CAPN14: variants seen among roughly 807,000 people sequenced by gnomAD.
CAPN14 encodes calpain 14.
Under a neutral mutation model 101.3 loss-of-function variants are expected in CAPN14, and 94 were observed. The ratio of observed to expected loss-of-function variants is 0.93; its 90% CI spans 0.79 to 1.10. The LOEUF (loss-of-function observed/expected upper bound fraction) is 1.10. Among genes scored for constraint, CAPN14 ranks in the 50% least tolerant of loss-of-function variants. The pLI is 0.00. For missense variants in CAPN14, 837 were observed against 828.4 expected (o/e 1.01, Z -0.13); for synonymous variants, 338 against 317.9 (o/e 1.06, Z -0.67).
chr2:31,222,313 G>A (rs1039708262), upstream of CAPN14, among the ~76,000 whole-genome samples: 1 of 152,150 alleles, frequency 6.6e-6, no homozygotes, highest in Non-Finnish European at 1.5e-5. Context: ...TCGCTTAGGT[G>A]GCCTTCATAC....
chr2:31,214,920 T>C (rs1243494002), intron 1 of CAPN14, among the ~76,000 whole-genome samples: 1 of 152,218 alleles, frequency 6.6e-6, no homozygotes, highest in Non-Finnish European at 1.5e-5. Context: ...ACAGGACCTC[T>C]GAGCAGTTCC....
rs369874328 is a variant in CAPN14, at chr2:31,193,167, G to A, written c.1078C>T (p.Arg360Trp). 611 of 1,551,088 alleles carry A rather than the reference G, an allele frequency of 3.9e-4. No homozygotes were observed. The highest frequency in any genetic ancestry group is 4.9e-4 in the Non-Finnish European group (557 of 1,146,962). The change falls in exon 10 of 22, where the codon CGG becomes TGG. Residue 360 changes from arginine (R) to tryptophan (W), a missense_variant. Transcript: ENST00000403897. ...TGCCTCTGGCCACCAGCTGTGCTCCGCTTCTCCCATCTCCCCTCCCGCATG... is the reference window on the plus strand; with the variant it reads ...TGCCTCTGGCCACCAGCTGTGCTCCACTTCTCCCATCTCCCCTCCCGCATG... ...YTMREGRWEK[R>W]STAGGQRQLL...
At chr2:31,205,112 G>A (rs1326358638) in intron 2 of CAPN14, 111 bp downstream of exon 2, 3 of 863,140 alleles carry the variant, frequency 3.5e-6, no homozygotes, top group Admixed American at 2.2e-5. Context: ...GTTGAGTGGA[G>A]AGGAGAGAGT....
At chr2:31,201,230 C>A (rs183872218) in intron 5 of CAPN14, among the ~76,000 whole-genome samples, 88 of 150,116 alleles carry the variant, frequency 5.9e-4, no homozygotes, top group South Asian at 4.0e-3. Flanking sequence ...TCTGTGTTTG[C>A]GTGTGTGTGT....
chr2:31,192,871 G>A (rs906230358), intron 10 of CAPN14, among the ~76,000 whole-genome samples: 9 of 152,080 alleles, frequency 5.9e-5, no homozygotes, highest in Non-Finnish European at 7.4e-5. Context: ...TGCTGACTGC[G>A]ACAGGGCAAC....
chr2:31,221,744 T>C (rs1278704803), upstream of CAPN14, among the ~76,000 whole-genome samples: 3 of 152,186 alleles, frequency 2.0e-5, no homozygotes, highest in African/African-American at 7.2e-5. Flanking sequence ...CATTGGGGTA[T>C]AGTCGGAAAG....
intron 12 of CAPN14, chr2:31,189,760 T>A: frequency 1.9e-6 from 1 of 519,624 alleles, no homozygotes; most frequent in Non-Finnish European, 3.7e-6. Context: ...GTGAGGAATG[T>A]CCCTGTGCCT....
intron 18 of CAPN14, 68 bp from the exon 19 acceptor site, chr2:31,177,889 G>T: frequency 1.7e-6 from 2 of 1,166,064 alleles, no homozygotes; most frequent in Non-Finnish European, 2.5e-6. Flanking sequence ...AGCCCTGTGT[G>T]CCCCTTGTCA....
intron 12 of CAPN14, among the ~76,000 whole-genome samples, chr2:31,190,395 T>C (rs1175537251): frequency 2.0e-5 from 3 of 152,200 alleles, no homozygotes; most frequent in African/African-American, 4.8e-5. Flanking sequence ...ATTTTTTTTA[T>C]AAGACAATGA....
chr2:31,187,653 G>C lies in CAPN14; in HGVS notation c.1587+105C>G, dbSNP rs921335278. The C allele has an allele frequency of 2.1e-5, 21 of 995,424 alleles. No individual in the cohort carries two copies. The African/African-American group carries it at 2.2e-4, about 10-fold the overall frequency. The allele number at this position is 995,424 out of a possible 1,614,324, so 61.7% of individuals were successfully genotyped here. Reference sequence around the variant, plus strand: ...GGGCAATAGGTAGCCTTAAATCACAGTTTCTAAGCAGCCTCAAGCAGGTGC... The same window carrying C: ...GGGCAATAGGTAGCCTTAAATCACACTTTCTAAGCAGCCTCAAGCAGGTGC... On this transcript the variant is annotated intron_variant, in intron 15 of 21. Transcript: ENST00000403897.
intron 12 of CAPN14, chr2:31,189,804 C>A (rs1465976): frequency 1.9e-5 from 9 of 471,890 alleles, no homozygotes; most frequent in African/African-American, 1.8e-4. Flanking sequence ...GAGGCTTAGA[C>A]GGGTTAGGTC....
At position 31,174,671 on chromosome 2, in the gene CAPN14, C is replaced by T. The variant is rs1471708892; in HGVS notation, c.*10G>A. On this transcript the variant is annotated 3_prime_UTR_variant, in exon 22 of 22. Transcript: ENST00000403897. ...GAGTCTTCAGTGAGGGCAGGTGAGA[C>T]TCAGCCTTCTCAGGAGTACAGTGCC... is the stretch of plus-strand genomic sequence containing the variant. 5.8e-6 allele frequency: 9 copies of T among 1,551,450 alleles called. No individual in the cohort carries two copies. The highest frequency in any genetic ancestry group is 7.0e-6 in the Non-Finnish European group (8 of 1,146,978).
At chr2:31,227,142 G>A (rs545587301) in intron 1 of CAPN14, among the ~76,000 whole-genome samples, 2 of 152,306 alleles carry the variant, frequency 1.3e-5, no homozygotes, top group East Asian at 3.9e-4. Context: ...TTTGGAAGTT[G>A]AGGTTCTTAG....
chr2:31,202,195 C>T lies in CAPN14; in HGVS notation c.353G>A (p.Ser118Asn). ...QALALHQDILSRVVPLNQSFT... is the reference protein window; with the variant it reads ...QALALHQDILNRVVPLNQSFT... ...ACTCTGATTCAGGGGAACAACCCGG[C>T]TCAGGATGTCCTGGTGCAAGGCCAG... The change falls in exon 4 of 22, where the codon AGC becomes AAC. Residue 118 changes from serine (S) to asparagine (N), a missense_variant. Coordinates refer to ENST00000403897, the MANE Select transcript of CAPN14 (RefSeq NM_001145122.2). The T allele has an allele frequency of 6.4e-7, 1 of 1,551,802 alleles. No homozygotes were observed. Among genetic ancestry groups the T allele is most frequent in the Non-Finnish European group, 8.7e-7 (1 of 1,147,024 alleles).
intron 16 of CAPN14, among the ~76,000 whole-genome samples, chr2:31,183,345 T>C (rs1190401349): frequency 6.6e-6 from 1 of 152,124 alleles, no homozygotes; most frequent in Non-Finnish European, 1.5e-5. Context: ...TGGGATCTAA[T>C]TAAACTAAAG....
chr2:31,202,031 G>A, intron 4 of CAPN14, 33 bp from the exon 5 acceptor site: 1 of 1,550,576 alleles, frequency 6.4e-7, no homozygotes, highest in Non-Finnish European at 8.7e-7. Flanking sequence ...GGTGAATGAG[G>A]ACTGCTGCAG....
At position 31,174,179 on chromosome 2, in the gene CAPN14, T is replaced by A. The variant is rs972042626; in HGVS notation, c.*502A>T. 5.9e-6 allele frequency: 1 copy of A among 170,202 alleles called. No individual in the cohort carries two copies. The highest frequency in any genetic ancestry group is 5.9e-5 in the Admixed American group (1 of 16,856). The allele number at this position is 170,202 out of a possible 1,614,324, so 10.5% of individuals were successfully genotyped here. On this transcript the variant is annotated 3_prime_UTR_variant, in exon 22 of 22. Transcript: ENST00000403897. Reference sequence around the variant, plus strand: ...AAAGCCCACTATATCCCTGACCCCATCCCCAAACAGCTGAAACTTAGCCTA... The same window carrying A: ...AAAGCCCACTATATCCCTGACCCCAACCCCAAACAGCTGAAACTTAGCCTA...
At chr2:31,202,060 G>A (rs769396899) in intron 4 of CAPN14, 62 bp from the exon 5 acceptor site, 41 of 1,550,266 alleles carry the variant, frequency 2.6e-5, no homozygotes, top group Non-Finnish European at 3.4e-5. Context: ...CAGCCCAGAA[G>A]GTGAAGACAT....
At chr2:31,189,249 C>T in intron 13 of CAPN14, 24 bp downstream of exon 13, 2 of 1,547,928 alleles carry the variant, frequency 1.3e-6, no homozygotes, top group South Asian at 2.4e-5. Context: ...TCCCCACCCT[C>T]TAGGAGAGAC....
Sources: allele counts gnomAD v4.1 joint callset (sites outside exome capture counted in the v4.1 genomes callset), GRCh38; gene constraint gnomAD v4.1.1; transcripts MANE v1.5; gene names NCBI Gene and HGNC (gene_info 2026-07-23, HGNC 2026-07-21).